GSE1: variants seen among roughly 807,000 people sequenced by gnomAD.
GSE1 encodes the protein Gse1 coiled-coil protein.
In GSE1, 32 loss-of-function variants were observed where a neutral mutation model predicts 112.6. That is an observed-to-expected ratio of 0.28 (90% CI 0.21 to 0.38). The LOEUF (loss-of-function observed/expected upper bound fraction) is 0.38, where lower values mean the gene tolerates loss of function less well. GSE1 is among the 10% of genes least tolerant of loss of function. The pLI is 1.00. For missense variants in GSE1, 2,348 were observed against 1,699.2 expected, an observed-to-expected ratio of 1.38 and a Z score of -6.71; for synonymous variants, 1,115 against 735.6, an observed-to-expected ratio of 1.52 and a Z score of -8.35.
At chr16:85,641,147 G>A (rs1157574096) in intron 2 of GSE1, among the ~76,000 whole-genome samples, 1 of 152,204 alleles carries the variant, frequency 6.6e-6, no homozygotes, top group African/African-American at 2.4e-5. Context: ...GATGCACCCT[G>A]TGCCTCCCTG....
intron 1 of GSE1, among the ~76,000 whole-genome samples, chr16:85,332,636 CCTT>C (rs1041211318): frequency 3.9e-5 from 6 of 152,184 alleles, no homozygotes; most frequent in African/African-American, 1.4e-4. Flanking sequence ...GCAGGACTCT[CCTT>C]CTCCCCTGGC....
intron 3 of GSE1, among the ~76,000 whole-genome samples, chr16:85,650,041 G>A (rs980454655): frequency 3.3e-5 from 5 of 152,286 alleles, no homozygotes; most frequent in African/African-American, 1.2e-4. Context: ...CTGGCTGAGG[G>A]GACAAACCTG....
intron 1 of GSE1, among the ~76,000 whole-genome samples, chr16:85,312,929 C>G (rs913239735): frequency 6.6e-6 from 1 of 152,096 alleles, no homozygotes; most frequent in East Asian, 1.9e-4. Context: ...GCAGGTGTGA[C>G]GGAAGTGCTG....
At chr16:85,327,485 C>G (rs2046249734) in intron 1 of GSE1, among the ~76,000 whole-genome samples, 1 of 152,140 alleles carries the variant, frequency 6.6e-6, no homozygotes, top group Admixed American at 6.5e-5. Flanking sequence ...TACCTGTAGT[C>G]CCAGCTACTC....
intron 1 of GSE1, among the ~76,000 whole-genome samples, chr16:85,246,286 T>C (rs1236423905): frequency 2.0e-5 from 2 of 100,236 alleles, no homozygotes; most frequent in Admixed American, 1.1e-4. Context: ...CCACACGCTG[T>C]CTACACACAC....
At chr16:85,243,752 A>G (rs1905352175) in intron 1 of GSE1, among the ~76,000 whole-genome samples, 1 of 152,220 alleles carries the variant, frequency 6.6e-6, no homozygotes, top group Non-Finnish European at 1.5e-5. Flanking sequence ...GGGAACATGC[A>G]CAGGAAGGAT....
intron 2 of GSE1, among the ~76,000 whole-genome samples, chr16:85,432,240 G>A (rs932794054): frequency 6.6e-6 from 1 of 152,250 alleles, no homozygotes; most frequent in East Asian, 1.9e-4. Flanking sequence ...AGACGGGCAC[G>A]CCCAGATGGA....
rs566042814 is a variant in GSE1, at chr16:85,657,571, C to A, written c.1607C>A (p.Ala536Glu). 18 of 1,567,312 alleles carry A rather than the reference C, an allele frequency of 1.1e-5. No individual in the cohort carries two copies. The South Asian group carries it at 1.7e-4, about 15-fold the overall frequency. ...HLDMGRPPVP[A>E]EAEHRPESTT... is the part of the protein sequence containing the mutation. The stretch of plus-strand genomic sequence containing the variant: ...GATATGGGCCGGCCCCCGGTGCCGG[C>A]GGAGGCAGAGCACAGGCCGGAGAGC... The change falls in exon 8 of 16, where the codon GCG (alanine) becomes GAG (glutamate). Residue 536 changes from alanine (A) to glutamate (E), a missense_variant. Coordinates refer to ENST00000253458, the MANE Select transcript of GSE1 (RefSeq NM_014615.5).
At chr16:85,239,267 G>A (rs1904977293) in intron 1 of GSE1, among the ~76,000 whole-genome samples, 1 of 152,180 alleles carries the variant, frequency 6.6e-6, no homozygotes, top group South Asian at 2.1e-4. Context: ...TCATTGGAAG[G>A]TGTTAATGGG....
chr16:85,404,178 CTCACCGTTACACTCAGGGCCCCCCT>C, intron 2 of GSE1, among the ~76,000 whole-genome samples: 1 of 103,284 alleles, frequency 9.7e-6, no homozygotes, highest in African/African-American at 4.1e-5. Context: ...CCGGATAATC[CTCACCGTTACACTCAGGGCCCCCCT>C]GGATAATCCT....
At chr16:85,497,363 T>G (rs1190214050) in intron 2 of GSE1, among the ~76,000 whole-genome samples, 1 of 152,038 alleles carries the variant, frequency 6.6e-6, no homozygotes, top group Non-Finnish European at 1.5e-5. Context: ...GGACCTGGAG[T>G]GAGAGGCTTC....
chr16:85,244,357 G>T (rs571351274), intron 1 of GSE1, among the ~76,000 whole-genome samples: 3 of 152,270 alleles, frequency 2.0e-5, no homozygotes, highest in African/African-American at 7.2e-5. Context: ...AGCTGGAAAA[G>T]AAACGAGATG....
chr16:85,483,429 C>T (rs1336551834), intron 2 of GSE1, among the ~76,000 whole-genome samples: 2 of 152,264 alleles, frequency 1.3e-5, no homozygotes, highest in Non-Finnish European at 2.9e-5. Context: ...CCACCTGTAC[C>T]CTGGGGTGCT....
At chr16:85,468,417 A>G (rs2050187467) in intron 2 of GSE1, among the ~76,000 whole-genome samples, 1 of 150,760 alleles carries the variant, frequency 6.6e-6, no homozygotes, top group Non-Finnish European at 1.5e-5. Flanking sequence ...CCTGGGTTCA[A>G]GTGATTATTC....
At chr16:85,300,641 A>T (rs2045497421) in intron 1 of GSE1, among the ~76,000 whole-genome samples, 1 of 152,140 alleles carries the variant, frequency 6.6e-6, no homozygotes, top group Admixed American at 6.5e-5. Flanking sequence ...CTCGCCGAGG[A>T]ATAGTCCATG....
At chr16:85,398,799 G>C (rs2048024478) in intron 2 of GSE1, among the ~76,000 whole-genome samples, 1 of 152,096 alleles carries the variant, frequency 6.6e-6, no homozygotes, top group African/African-American at 2.4e-5. Flanking sequence ...TCCTTACATG[G>C]TCCCGCACAG....
chr16:85,195,220 T>G, intron 1 of GSE1, among the ~76,000 whole-genome samples: 1 of 152,220 alleles, frequency 6.6e-6, no homozygotes, highest in Non-Finnish European at 1.5e-5. Context: ...TTGAGCTCCA[T>G]TCACTGGGGC....
intron 1 of GSE1, among the ~76,000 whole-genome samples, chr16:85,288,541 C>A (rs548047517): frequency 1.3e-5 from 2 of 152,348 alleles, no homozygotes; most frequent in East Asian, 3.9e-4. Flanking sequence ...GTGGCAGTGC[C>A]ATGCCCAGCT....
At chr16:85,622,225 G>T (rs1458025733) in intron 1 of GSE1, among the ~76,000 whole-genome samples, 1 of 152,222 alleles carries the variant, frequency 6.6e-6, no homozygotes, top group Non-Finnish European at 1.5e-5. Context: ...TTCCTGGACA[G>T]CTCCATTCCA....
Sources: gnomAD v4.1 joint callset for allele counts (sites outside exome capture counted in the v4.1 genomes callset) on GRCh38, gnomAD v4.1.1 for gene constraint, MANE v1.5 for transcripts, NCBI Gene and HGNC (gene_info 2026-07-23, HGNC 2026-07-21) for gene names.